The following C4orf50 variants were observed in gnomAD, a reference collection of about 807,000 sequenced individuals.
C4orf50 encodes the protein chromosome 4 open reading frame 50, also known as uncharacterized protein C4orf50.
Under a neutral mutation model 77.2 loss-of-function variants are expected in C4orf50, and 80 were observed. That is an observed-to-expected ratio of 1.04 (90% CI 0.87 to 1.25). The LOEUF (loss-of-function observed/expected upper bound fraction) is 1.25, where lower values mean the gene tolerates loss of function less well. Ranked by LOEUF, C4orf50 falls within the 50% of genes most tolerant of loss-of-function variation. The pLI is 0.00. For synonymous variants in C4orf50, 532 were observed against 465.3 expected (o/e 1.14, Z -1.84); for missense variants, 1,257 against 1,152.9 (o/e 1.09, Z -1.31).
chr4:5,979,058 G>A (rs1367458370), intron 29 of C4orf50, among the ~76,000 whole-genome samples: 1 of 152,178 alleles, frequency 6.6e-6, no homozygotes, highest in African/African-American at 2.4e-5. Flanking sequence ...TAACATTCAG[G>A]ATAACGAGTT....
At chr4:6,014,297 G>A (rs980709274) in intron 23 of C4orf50, among the ~76,000 whole-genome samples, 12 of 152,194 alleles carry the variant, frequency 7.9e-5, no homozygotes, top group Middle Eastern at 3.4e-3. Context: ...CAACCGGGCC[G>A]GCCTAGTATT....
chr4:5,926,127 G>T (rs1717502168), intron 7 of C4orf50, among the ~76,000 whole-genome samples: 1 of 152,154 alleles, frequency 6.6e-6, no homozygotes, highest in Non-Finnish European at 1.5e-5. Context: ...TTTTTATAAT[G>T]AGCCCCTATT....
intron 7 of C4orf50, among the ~76,000 whole-genome samples, chr4:5,928,403 G>C (rs1374813615): frequency 6.7e-6 from 1 of 149,334 alleles, no homozygotes; most frequent in African/African-American, 2.5e-5. Flanking sequence ...CACACACCCT[G>C]AAGATACCTC....
chr4:5,976,073 G>C (rs1280613685), intron 29 of C4orf50, 118 bp from the exon 8 acceptor site: 1 of 754,950 alleles, frequency 1.3e-6, no homozygotes, highest in East Asian at 2.6e-5. Context: ...TACCCTCATG[G>C]GGACTCAGTG....
rs2108730867 is a variant in C4orf50, at chr4:6,018,401, C to T, written c.31G>A (p.Glu11Lys). 1 of 399,070 alleles carries T rather than the reference C, an allele frequency of 2.5e-6. No homozygotes were observed. The highest frequency in any genetic ancestry group is 4.4e-6 in the Non-Finnish European group (1 of 226,074). The allele number at this position is 399,070 out of a possible 1,614,324, so 24.7% of individuals were successfully genotyped here. ...GCTCTGATGACGTAGCTGAAACTCT[C>T]CTCAGTCCGTCCCTTGGCTGTTGGC... Residue 11 changes from glutamate (E) to lysine (K), a missense_variant, in exon 23 of 34, where the codon GAG (glutamate) becomes AAG (lysine). Transcript: ENST00000531445. The surrounding 1 kb of genome is among the most constrained non-coding windows in gnomAD (Gnocchi z 5.1).
exon 33 of C4orf50, chr4:5,965,042 G>T: frequency 1.2e-6 from 2 of 1,613,256 alleles, no homozygotes; most frequent in Non-Finnish European, 1.7e-6. Context: ...AATCCAGTTG[G>T]GCTGTCTGTG....
At chr4:5,960,155 C>G (rs1719193610) in intron 33 of C4orf50, among the ~76,000 whole-genome samples, 2 of 152,192 alleles carry the variant, frequency 1.3e-5, no homozygotes, top group Admixed American at 6.5e-5. Context: ...TTCTAAATGC[C>G]TTCATTAAAT....
At chr4:5,925,667 G>A (rs1717482847) in intron 7 of C4orf50, among the ~76,000 whole-genome samples, 1 of 152,272 alleles carries the variant, frequency 6.6e-6, no homozygotes, top group African/African-American at 2.4e-5. Context: ...CACTGCCTGA[G>A]CACGGCCCTG....
chr4:5,918,283 T>C (rs1415034789), intron 7 of C4orf50, among the ~76,000 whole-genome samples: 2 of 152,178 alleles, frequency 1.3e-5, no homozygotes, highest in Non-Finnish European at 2.9e-5. Flanking sequence ...TCACGTCCCA[T>C]TTCACAGATG....
rs867133396 is a variant in C4orf50, at chr4:6,003,705, T to C, written c.963+4291A>G. On this transcript the variant is annotated intron_variant, in intron 25 of 33. Coordinates refer to ENST00000531445, the Ensembl canonical transcript of C4orf50. ...GTGATGATGGTGATGATAGTGATGG[T>C]GATGATGTGATGGTGATGATGGTGA... is the stretch of plus-strand genomic sequence containing the variant. Among the ~76,000 whole-genome samples the C allele has an allele frequency of 1.1e-3, 147 of 139,252 alleles. 1 individual carries two copies. The highest frequency in any genetic ancestry group is 7.7e-3 in the South Asian group (32 of 4,178). 91.4% of individuals were successfully genotyped at this position (139,252 alleles called of 152,430 possible).
chr4:5,918,908 T>G (rs2108736102), intron 7 of C4orf50, among the ~76,000 whole-genome samples: 1 of 152,278 alleles, frequency 6.6e-6, no homozygotes, highest in African/African-American at 2.4e-5. Flanking sequence ...CAATGCTATC[T>G]TTTAAAGCAT....
At chr4:5,996,510 C>A (rs1327834896) in intron 25 of C4orf50, among the ~76,000 whole-genome samples, 1 of 151,902 alleles carries the variant, frequency 6.6e-6, no homozygotes, top group Non-Finnish European at 1.5e-5. Context: ...ACCTCAGAGC[C>A]TTTGCACACT....
chr4:6,011,989 A>T lies in C4orf50; in HGVS notation c.288-21T>A. The T allele has an allele frequency of 2.5e-6, 1 of 399,030 alleles. No homozygotes were observed. Among genetic ancestry groups the T allele is most frequent in the Non-Finnish European group, 4.4e-6 (1 of 226,066 alleles). 24.7% of individuals were successfully genotyped at this position (399,030 alleles called of 1,614,324 possible). On this transcript the variant is annotated intron_variant, in intron 23 of 33. Coordinates refer to ENST00000531445, the Ensembl canonical transcript of C4orf50. This position sits in a 1 kb window ranked among gnomAD's most constrained non-coding sequence, Gnocchi z 4.2. ...GAATTCTGCAGCATGAAAAGCAGGG[A>T]GGCACTTGCTCAGGGTGCAGTCAAC... is the stretch of plus-strand genomic sequence containing the variant.
intron 7 of C4orf50, among the ~76,000 whole-genome samples, chr4:5,946,376 T>C (rs745435140): frequency 1.3e-5 from 2 of 152,214 alleles, no homozygotes; most frequent in East Asian, 3.8e-4. Context: ...TGATAAAAGA[T>C]GTGTATAGAA....
chr4:5,939,245 A>AAAG (rs1718163476), intron 7 of C4orf50, among the ~76,000 whole-genome samples: 1 of 151,920 alleles, frequency 6.6e-6, no homozygotes, highest in African/African-American at 2.4e-5. Flanking sequence ...CTCTGTCTCA[A>AAAG]AAAAAAAGAA....
chr4:5,931,564 C>T (rs796383569), intron 7 of C4orf50, among the ~76,000 whole-genome samples: 78 of 152,310 alleles, frequency 5.1e-4, no homozygotes, highest in African/African-American at 1.8e-3. Context: ...CTGCCCTCTG[C>T]CCTTCTAGAC....
At chr4:5,934,608 C>T (rs1437439220) in intron 7 of C4orf50, among the ~76,000 whole-genome samples, 1 of 152,204 alleles carries the variant, frequency 6.6e-6, no homozygotes, top group Non-Finnish European at 1.5e-5. Context: ...CAGCTCCAAA[C>T]CACCTGCCCC....
intron 23 of C4orf50, among the ~76,000 whole-genome samples, chr4:6,014,290 C>A (rs1165141070): frequency 1.3e-5 from 2 of 152,144 alleles, no homozygotes; most frequent in Non-Finnish European, 1.5e-5. Context: ...ACGCGAGCAA[C>A]CGGGCCGGCC....
intron 23 of C4orf50, among the ~76,000 whole-genome samples, chr4:6,012,845 C>T (rs1292929695): frequency 6.6e-6 from 1 of 152,196 alleles, no homozygotes; most frequent in Non-Finnish European, 1.5e-5. Context: ...TTTCCAAGTC[C>T]CCTTAATGTG....
Sources: gnomAD v4.1 joint callset for allele counts (sites outside exome capture counted in the v4.1 genomes callset) on GRCh38, gnomAD v4.1.1 for gene constraint, Gnocchi (gnomAD v3.1) non-coding constraint, MANE v1.5 for transcripts, NCBI Gene and HGNC (gene_info 2026-07-23, HGNC 2026-07-21) for gene names.